The following NKAIN1 variants were observed in gnomAD, a reference collection of about 807,000 sequenced individuals.
NKAIN1 encodes the protein sodium/potassium-transporting ATPase subunit beta-1-interacting protein 1.
Under a neutral mutation model 31.6 loss-of-function variants are expected in NKAIN1, and 13 were observed. The ratio of observed to expected loss-of-function variants is 0.41; its 90% CI spans 0.27 to 0.65. NKAIN1 has a LOEUF of 0.65. Ranked by LOEUF, NKAIN1 falls within the 30% of genes least tolerant of loss-of-function variation. The probability of loss-of-function intolerance (pLI) is 0.30; values close to 1 mark genes in which losing one functional copy is unlikely to be tolerated. For missense variants in NKAIN1, 193 were observed against 262.2 expected, an observed-to-expected ratio of 0.74 and a Z score of 1.82; for synonymous variants, 104 against 109.0, an observed-to-expected ratio of 0.95 and a Z score of 0.28.
At chr1:31,185,977 T>C (rs1016504854) in intron 2 of NKAIN1, among the ~76,000 whole-genome samples, 2 of 151,240 alleles carry the variant, frequency 1.3e-5, no homozygotes, top group Admixed American at 1.3e-4. Context: ...CCTGTAGTCC[T>C]AGCACTTTGG....
chr1:31,225,938 AG>A (rs1357141580), intron 1 of NKAIN1, among the ~76,000 whole-genome samples: 3 of 152,252 alleles, frequency 2.0e-5, no homozygotes, highest in Non-Finnish European at 2.9e-5. Flanking sequence ...CTCTGGACTC[AG>A]GTGCCTGCTC....
At chr1:31,193,092 G>T (rs1421149627) in intron 1 of NKAIN1, among the ~76,000 whole-genome samples, 3 of 149,256 alleles carry the variant, frequency 2.0e-5, no homozygotes, top group Admixed American at 2.0e-4. Context: ...TTTTTGAGAC[G>T]GAGTCTCACT....
rs139451212 is a variant in NKAIN1, at chr1:31,225,325, C to CTT, written c.54+14167_54+14168dup. Among the ~76,000 whole-genome samples the CTT allele has an allele frequency of 1.9e-4, 10 of 52,152 alleles. 1 individual carries two copies. The highest frequency in any genetic ancestry group is 5.8e-4 in the African/African-American group (8 of 13,774). 34.2% of individuals were successfully genotyped at this position (52,152 alleles called of 152,430 possible). On this transcript the variant is annotated intron_variant, in intron 1 of 6. Transcript: ENST00000373736. ...ACAGGCATAAGCCACCATGCCCGGC[C>CTT]TTTTTTTTTTTTTTTTTTTTTTTTT...
At chr1:31,218,619 C>T (rs766486938) in intron 1 of NKAIN1, among the ~76,000 whole-genome samples, 1 of 152,228 alleles carries the variant, frequency 6.6e-6, no homozygotes, top group Non-Finnish European at 1.5e-5. Flanking sequence ...ATCTTACCAT[C>T]ACCTCATGCT....
At chr1:31,190,245 G>C (rs910075364) in intron 1 of NKAIN1, among the ~76,000 whole-genome samples, 1 of 152,206 alleles carries the variant, frequency 6.6e-6, no homozygotes, top group African/African-American at 2.4e-5. Flanking sequence ...GAAGCTGCAG[G>C]CTTGGGTAAG....
chr1:31,193,303 T>C (rs895440304), intron 1 of NKAIN1, among the ~76,000 whole-genome samples: 1 of 151,312 alleles, frequency 6.6e-6, no homozygotes, highest in South Asian at 2.1e-4. Flanking sequence ...CTCCTGACTT[T>C]GTGATCCACC....
intron 1 of NKAIN1, among the ~76,000 whole-genome samples, chr1:31,206,923 T>A (rs191795984): frequency 6.6e-6 from 1 of 152,206 alleles, no homozygotes; most frequent in East Asian, 1.9e-4. Flanking sequence ...TTTGTAGAGA[T>A]GGGGTTTCGC....
At chr1:31,214,019 T>A (rs1453202017) in intron 1 of NKAIN1, among the ~76,000 whole-genome samples, 1 of 19,568 alleles carries the variant, frequency 5.1e-5, no homozygotes, top group African/African-American at 1.1e-4. Context: ...TAAAAATTAA[T>A]TAATTAATTA....
Position 31,232,412 on chromosome 1 carries a change from T to G in NKAIN1, c.54+7082A>C, listed in dbSNP as rs1442926216. On this transcript the variant is annotated intron_variant, in intron 1 of 6. Coordinates refer to ENST00000373736, the MANE Select transcript of NKAIN1 (RefSeq NM_024522.3). The stretch of plus-strand genomic sequence containing the variant: ...GGCCTACTTCATATATATATATATA[T>G]ATATATATATATAGAGAGAGAGAGA... Among the ~76,000 whole-genome samples the G allele has an allele frequency of 2.0e-3, 67 of 32,774 alleles. 4 individuals are homozygous for G. The highest frequency in any genetic ancestry group is 6.3e-3 in the African/African-American group (64 of 10,238). 21.5% of individuals were successfully genotyped at this position (32,774 alleles called of 152,430 possible).
chr1:31,210,508 C>T (rs190967808), intron 1 of NKAIN1, among the ~76,000 whole-genome samples: 158 of 152,188 alleles, frequency 1.0e-3, no homozygotes, highest in Non-Finnish European at 1.5e-3. Flanking sequence ...AGGCTAGTCT[C>T]GAACAACTGA....
At chr1:31,216,159 G>A (rs950760421) in intron 1 of NKAIN1, among the ~76,000 whole-genome samples, 12 of 151,814 alleles carry the variant, frequency 7.9e-5, no homozygotes, top group African/African-American at 2.9e-4. Context: ...GAGCACGGGG[G>A]AACGGAATGG....
intron 1 of NKAIN1, among the ~76,000 whole-genome samples, chr1:31,208,150 A>G (rs1375225925): frequency 6.6e-6 from 1 of 152,076 alleles, no homozygotes; most frequent in Admixed American, 6.6e-5. Flanking sequence ...TCCCCACTCC[A>G]TCATTTACTA....
At position 31,217,242 on chromosome 1, in the gene NKAIN1, G is replaced by A. The variant is rs142960495; in HGVS notation, c.54+22252C>T. On this transcript the variant is annotated intron_variant, in intron 1 of 6. Coordinates refer to ENST00000373736, the MANE Select transcript of NKAIN1 (RefSeq NM_024522.3). ...TGTGGCAGCACAGTCATAGCTTACTGCAGCCTCCAACTCCTGGACTCAAGT... is the reference window on the plus strand; with the variant it reads ...TGTGGCAGCACAGTCATAGCTTACTACAGCCTCCAACTCCTGGACTCAAGT... 2.4e-3 allele frequency among the ~76,000 whole-genome samples: 361 copies of A among 152,210 alleles called. 1 individual carries two copies. Among genetic ancestry groups the A allele is most frequent in the African/African-American group, 8.4e-3 (347 of 41,520 alleles).
intron 1 of NKAIN1, among the ~76,000 whole-genome samples, chr1:31,201,667 A>T (rs1425842721): frequency 5.3e-5 from 8 of 151,794 alleles, no homozygotes; most frequent in Admixed American, 5.3e-4. Flanking sequence ...GGCCAATCCT[A>T]CCCCTTTTTA....
At chr1:31,219,554 C>T (rs772961875) in intron 1 of NKAIN1, among the ~76,000 whole-genome samples, 13 of 152,324 alleles carry the variant, frequency 8.5e-5, no homozygotes, top group African/African-American at 2.9e-4. Context: ...GTGGACTGCC[C>T]GCCCTGGGGA....
At chr1:31,192,252 C>T (rs1469371422) in intron 1 of NKAIN1, among the ~76,000 whole-genome samples, 2 of 152,216 alleles carry the variant, frequency 1.3e-5, no homozygotes, top group East Asian at 1.9e-4. Context: ...TCACACCCAA[C>T]AATCATTCAC....
At chr1:31,197,280 T>G (rs1645335556) in intron 1 of NKAIN1, among the ~76,000 whole-genome samples, 1 of 151,418 alleles carries the variant, frequency 6.6e-6, no homozygotes, top group African/African-American at 2.4e-5. Context: ...CCCGGCTAAT[T>G]TTTTGTATTT....
chr1:31,198,507 G>A (rs908408246), intron 1 of NKAIN1, among the ~76,000 whole-genome samples: 1 of 151,964 alleles, frequency 6.6e-6, no homozygotes. Flanking sequence ...CTTGTTCCAC[G>A]TCCCCCACTC....
At chr1:31,205,600 C>T (rs553033956) in intron 1 of NKAIN1, among the ~76,000 whole-genome samples, 6 of 150,768 alleles carry the variant, frequency 4.0e-5, no homozygotes, top group African/African-American at 1.5e-4. Flanking sequence ...AGCAACCACG[C>T]CCAGCCGGAC....
Sources: allele counts gnomAD v4.1 joint callset (sites outside exome capture counted in the v4.1 genomes callset), GRCh38; gene constraint gnomAD v4.1.1; transcripts MANE v1.5; gene names NCBI Gene and HGNC (gene_info 2026-07-23, HGNC 2026-07-21).